PCSK1: variants seen among roughly 807,000 people sequenced by gnomAD.
PCSK1 encodes proprotein convertase subtilisin/kexin type 1, also known as neuroendocrine convertase 1.
A neutral mutation model predicts 90.6 loss-of-function variants in PCSK1; 56 were observed. That is an observed-to-expected ratio of 0.62 (90% confidence interval 0.50 to 0.77). The LOEUF is 0.77. Ranked by LOEUF, PCSK1 falls within the 30% of genes least tolerant of loss-of-function variation. The pLI is 0.00. For synonymous variants in PCSK1, 348 were observed against 342.4 expected (o/e 1.02, Z -0.18); for missense variants, 801 against 932.6 (o/e 0.86, Z 1.84).
At chr5:96,417,428 A>AT (rs1321017132) in intron 5 of PCSK1, among the ~76,000 whole-genome samples, 1 of 151,768 alleles carries the variant, frequency 6.6e-6, no homozygotes, top group Non-Finnish European at 1.5e-5. Flanking sequence ...ACTTTTTGTG[A>AT]TTTTTTTCAA....
At chr5:96,412,245 A>G (rs1760779228) in intron 7 of PCSK1, 73 bp downstream of exon 7, 1 of 1,222,286 alleles carries the variant, frequency 8.2e-7, no homozygotes, top group East Asian at 2.3e-5. Context: ...CATGTAACCT[A>G]AGTGTTCTTT....
At chr5:96,406,562 G>A (rs1043385517) in intron 9 of PCSK1, among the ~76,000 whole-genome samples, 1 of 152,090 alleles carries the variant, frequency 6.6e-6, no homozygotes, top group African/African-American at 2.4e-5. Context: ...TCTCACAGCC[G>A]AGATACCCAG....
intron 5 of PCSK1, among the ~76,000 whole-genome samples, 178 bp downstream of exon 5, chr5:96,421,702 A>G (rs1170719404): frequency 6.6e-6 from 1 of 152,180 alleles, no homozygotes; most frequent in Non-Finnish European, 1.5e-5. Context: ...AACCAAAGGG[A>G]ATATAAAAAT....
In PCSK1 at chr5:96,408,255, A is replaced by G. The variant is rs769697467; in HGVS notation, c.1164T>C (p.Ala388=). Residue 388 remains alanine (A), a synonymous_variant, in exon 9 of 14, where the codon GCT becomes GCC. Transcript: ENST00000311106. ...CCAGGGCCAGAGCGAAGATGCCAGC[A>G]GCCAGAGGTGCAGAGGCCGAGGTGC... ...HTGTSASAPL[A]AGIFALALEA... 1.2e-6 allele frequency: 2 copies of G among 1,614,148 alleles called. No homozygotes were observed. Among genetic ancestry groups the G allele is most frequent in the Non-Finnish European group, 1.7e-6 (2 of 1,179,980 alleles).
chr5:96,408,161 T>A, intron 9 of PCSK1, 62 bp downstream of exon 9: 1 of 1,174,724 alleles, frequency 8.5e-7, no homozygotes, highest in African/African-American at 1.5e-5. Context: ...GAAAAAAAAG[T>A]GTTATTAAAA....
At chr5:96,425,007 G>GA (rs531703714) in intron 3 of PCSK1, among the ~76,000 whole-genome samples, 25 of 66,944 alleles carry the variant, frequency 3.7e-4, no homozygotes, top group Admixed American at 3.1e-3. Context: ...GAGAAAGAAA[G>GA]AAAAGAAAGA....
chr5:96,413,857 C>A (rs541212446), intron 6 of PCSK1, among the ~76,000 whole-genome samples: 1 of 142,100 alleles, frequency 7.0e-6, no homozygotes, highest in Non-Finnish European at 1.5e-5. Flanking sequence ...CGGTGGCTCA[C>A]GCCTGTAATC....
intron 5 of PCSK1, among the ~76,000 whole-genome samples, chr5:96,421,582 A>C (rs1474134039): frequency 6.6e-6 from 1 of 152,222 alleles, no homozygotes; most frequent in Non-Finnish European, 1.5e-5. Context: ...ATGGGCTCAA[A>C]GTGTGTACTC....
Position 96,416,125 on chromosome 5 carries a change from AG to A in PCSK1, c.621-5del, listed in dbSNP as rs1561371838. 6.3e-7 allele frequency: 1 copy of A among 1,593,618 alleles called. No individual in the cohort carries two copies. The highest frequency in any genetic ancestry group is 8.6e-7 in the Non-Finnish European group (1 of 1,161,358). Reference sequence around the variant, plus strand: ...TCCTGCACATCTGGTCCCGTGTCTGAGGATTGAAAAATAAGAATTATAAAAC... The same window carrying A: ...TCCTGCACATCTGGTCCCGTGTCTGAGATTGAAAAATAAGAATTATAAAAC... On this transcript the variant is annotated splice_region_variant and splice_polypyrimidine_tract_variant and intron_variant, in intron 5 of 13. Coordinates refer to ENST00000311106, the MANE Select transcript of PCSK1 (RefSeq NM_000439.5).
intron 9 of PCSK1, among the ~76,000 whole-genome samples, chr5:96,407,163 A>G (rs1489429442): frequency 2.6e-5 from 4 of 152,248 alleles, no homozygotes; most frequent in African/African-American, 9.6e-5. Context: ...GAAGCCTTAA[A>G]GAAACAGACT....
intron 5 of PCSK1, among the ~76,000 whole-genome samples, chr5:96,421,634 T>C (rs1219502251): frequency 6.6e-6 from 1 of 152,214 alleles, no homozygotes; most frequent in Non-Finnish European, 1.5e-5. Context: ...AACAGTTCAG[T>C]AACATTTGAG....
At chr5:96,425,060 G>GAAAT (rs1436376720) in intron 3 of PCSK1, among the ~76,000 whole-genome samples, 26 of 126,612 alleles carry the variant, frequency 2.1e-4, no homozygotes, top group Admixed American at 3.0e-4. Context: ...AAGAAAGAAA[G>GAAAT]AAAGAAAGAA....
rs187137855 is a variant in PCSK1 at position 96,390,431 on chromosome 5, C to G, written c.*2570G>C. ...ATTTTACATATTCTGGTCAATACAT[C>G]AAATGTATAATGTGGAAGTTCCCTT... On this transcript the variant is annotated 3_prime_UTR_variant, in exon 14 of 14. Transcript: ENST00000311106. 2 of 152,274 alleles carry G rather than the reference C, an allele frequency of 1.3e-5. No individual in the cohort carries two copies. Among genetic ancestry groups the G allele is most frequent in the Admixed American group, 1.3e-4 (2 of 15,292 alleles). The allele number at this position is 152,274 out of a possible 1,614,324, so 9.4% of individuals were successfully genotyped here.
At chr5:96,417,120 C>T (rs530120152) in intron 5 of PCSK1, among the ~76,000 whole-genome samples, 1 of 152,258 alleles carries the variant, frequency 6.6e-6, no homozygotes, top group East Asian at 1.9e-4. Flanking sequence ...TGGCCAGTTA[C>T]ATTTCAATTC....
rs1243425611 is a variant in PCSK1 at position 96,392,895 on chromosome 5, A to G, written c.*106T>C. On this transcript the variant is annotated 3_prime_UTR_variant, in exon 14 of 14. Coordinates refer to ENST00000311106, the MANE Select transcript of PCSK1 (RefSeq NM_000439.5). The stretch of plus-strand genomic sequence containing the variant: ...AAAAAGAAAAGGTGCCACAAAGGAT[A>G]TTATAAGCATAAGAATTCATGACAA... 1.8e-6 allele frequency: 2 copies of G among 1,133,168 alleles called. No homozygotes were observed. Among genetic ancestry groups the G allele is most frequent in the Non-Finnish European group, 2.7e-6 (2 of 752,260 alleles). The allele number at this position is 1,133,168 out of a possible 1,614,324, so 70.2% of individuals were successfully genotyped here. A position where few individuals can be genotyped will look rare whatever the true frequency, so the allele number is the denominator to read the frequency against.
At chr5:96,416,272 C>A in intron 5 of PCSK1, 151 bp from the exon 6 acceptor site, 2 of 664,902 alleles carry the variant, frequency 3.0e-6, no homozygotes, top group Non-Finnish European at 2.7e-6. Context: ...TAACATAAAA[C>A]TTATGTTCAG....
At chr5:96,405,728 A>C (rs1198976641) in intron 9 of PCSK1, among the ~76,000 whole-genome samples, 1 of 152,236 alleles carries the variant, frequency 6.6e-6, no homozygotes. Flanking sequence ...TCCACTATAC[A>C]GAAAAAGAAG....
At chr5:96,432,679 C>T (rs1464295350) in intron 1 of PCSK1, among the ~76,000 whole-genome samples, 184 bp downstream of exon 1, 2 of 152,176 alleles carry the variant, frequency 1.3e-5, no homozygotes, top group Non-Finnish European at 2.9e-5. Flanking sequence ...CCAGCCTAAA[C>T]AGTAAATAAT....
At chr5:96,425,567 A>G (rs907914289) in intron 3 of PCSK1, among the ~76,000 whole-genome samples, 11 of 152,194 alleles carry the variant, frequency 7.2e-5, no homozygotes, top group African/African-American at 2.7e-4. Context: ...CATTTATCCC[A>G]AATAAACTTA....
Sources: allele counts gnomAD v4.1 joint callset (sites outside exome capture counted in the v4.1 genomes callset), GRCh38; gene constraint gnomAD v4.1.1; transcripts MANE v1.5; gene names NCBI Gene and HGNC (gene_info 2026-07-23, HGNC 2026-07-21).